PPP2R3B: variants seen among roughly 807,000 people sequenced by gnomAD.
PPP2R3B encodes the protein protein phosphatase 2 regulatory subunit B''beta.
Under a neutral mutation model 72.9 loss-of-function variants are expected in PPP2R3B, and 68 were observed. The observed-to-expected ratio is 0.93, with a 90% confidence interval of 0.77 to 1.14. PPP2R3B has a LOEUF of 1.14. Ranked by LOEUF, PPP2R3B falls within the 50% of genes most tolerant of loss-of-function variation. The probability of loss-of-function intolerance (pLI) is 0.00; values close to 1 mark genes in which losing one functional copy is unlikely to be tolerated. For missense variants in PPP2R3B, 1,018 were observed against 842.0 expected (o/e 1.21, Z -2.59); for synonymous variants, 466 against 375.8 (o/e 1.24, Z -2.78).
intron 1 of PPP2R3B, among the ~76,000 whole-genome samples, chrX:371,267 T>G (rs1248247604): frequency 6.6e-6 from 1 of 151,688 alleles, no homozygotes; most frequent in East Asian, 1.9e-4. Flanking sequence ...CACGGGAGCC[T>G]CCCCGGACCC....
intron 1 of PPP2R3B, among the ~76,000 whole-genome samples, chrX:364,525 A>AAC (rs1556212678): frequency 1.3e-5 from 2 of 150,914 alleles, no homozygotes; most frequent in African/African-American, 4.9e-5. Flanking sequence ...AAAAAACAAA[A>AAC]AAAAAAAAAC....
chrX:342,346 GGCGGGA>G (rs2071100940), intron 7 of PPP2R3B: 1 of 201,336 alleles, frequency 5.0e-6, no homozygotes, highest in Non-Finnish European at 1.0e-5. Flanking sequence ...AGCAACGGGA[GGCGGGA>G]GTGAGACCTC....
chrX:354,267 A>G (rs67221387), intron 2 of PPP2R3B, among the ~76,000 whole-genome samples: 97,130 of 148,102 alleles, frequency 0.66, 32,361 homozygotes, highest in African/African-American at 0.79. Context: ...CCCAAACACC[A>G]GGGGCTCACC....
chrX:363,671 A>G (rs868458211), intron 1 of PPP2R3B, among the ~76,000 whole-genome samples: 1,109 of 3,276 alleles, frequency 0.34, 70 homozygotes, highest in Admixed American at 0.38. Context: ...CCATCCCACA[A>G]TGCATCTCCC....
intron 2 of PPP2R3B, among the ~76,000 whole-genome samples, chrX:355,429 G>A (rs759266774): frequency 1.3e-5 from 2 of 152,338 alleles, no homozygotes; most frequent in East Asian, 3.9e-4. Flanking sequence ...TTCATCTGGA[G>A]TCAACAGGAT....
In PPP2R3B at chrX:370,036, C is replaced by T. The variant is rs189036415; in HGVS notation, c.325-8446G>A. Among the ~76,000 whole-genome samples the T allele has an allele frequency of 5.8e-4, 88 of 152,302 alleles. 1 individual carries two copies. In the East Asian group the frequency reaches 0.014, roughly 23 times the overall value. ...CAAGCTCTGAGCATTCTTCTCGGCC[C>T]AGCACTTGACTCCCAGGGACCCTCT... On this transcript the variant is annotated intron_variant, in intron 1 of 12. Coordinates refer to ENST00000390665, the MANE Select transcript of PPP2R3B (RefSeq NM_013239.5).
intron 1 of PPP2R3B, among the ~76,000 whole-genome samples, chrX:375,307 C>A (rs1302188477): frequency 1.3e-5 from 2 of 152,348 alleles, no homozygotes; most frequent in East Asian, 3.9e-4. Context: ...CCCAGTAACC[C>A]ACGATGCGGG....
intron 1 of PPP2R3B, among the ~76,000 whole-genome samples, chrX:379,002 G>C (rs1044099930): frequency 1.3e-5 from 2 of 152,196 alleles, no homozygotes; most frequent in African/African-American, 4.8e-5. Flanking sequence ...GAAACGTTAA[G>C]ATAACCACAC....
At chrX:344,898 G>A (rs1480175358) in intron 7 of PPP2R3B, 1 of 337,634 alleles carries the variant, frequency 3.0e-6, no homozygotes, top group Non-Finnish European at 5.9e-6. Context: ...CCGTAATTCG[G>A]AAACAGTCTT....
At chrX:344,946 G>A in intron 7 of PPP2R3B, 2 of 349,770 alleles carry the variant, frequency 5.7e-6, no homozygotes, top group Non-Finnish European at 1.1e-5. Context: ...CACACTTAAA[G>A]GAATCCTTTA....
chrX:357,941 C>T (rs998585726), intron 2 of PPP2R3B, among the ~76,000 whole-genome samples: 3 of 152,174 alleles, frequency 2.0e-5, no homozygotes, highest in African/African-American at 2.4e-5. Context: ...ACACGGACCT[C>T]GCTGCACGGC....
rs774030128 is a variant in PPP2R3B at position 347,604 on chromosome X, G to A, written c.600C>T (p.Val200=). Residue 200 remains valine (V), a synonymous_variant, in exon 3 of 13, where the codon GTC becomes GTT. Coordinates refer to ENST00000390665, the MANE Select transcript of PPP2R3B (RefSeq NM_013239.5). ...CCAGGACTCACTTTCTCCACATGGC[G>A]ACGAACTTGTGGACGGACACGGAGC... ...RTGSVSVHKF[V]AMWRKILQNC... The A allele has an allele frequency of 8.9e-6, 14 of 1,579,006 alleles. No homozygotes were observed. The highest frequency in any genetic ancestry group is 4.6e-5 in the South Asian group (4 of 87,352).
chrX:334,705 G>A (rs5989642), intron 12 of PPP2R3B, 188 bp from the exon 13 acceptor site: 43,311 of 667,450 alleles, frequency 0.065, 1,589 homozygotes, highest in African/African-American at 0.11. Context: ...GAATGCTCCC[G>A]GGGGAGGGGC....
intron 1 of PPP2R3B, among the ~76,000 whole-genome samples, chrX:363,335 C>G (rs1217547026): frequency 1.3e-5 from 1 of 74,150 alleles, no homozygotes; most frequent in East Asian, 4.0e-4. Flanking sequence ...TGCATCTCCC[C>G]GAGCCCACCA....
intron 1 of PPP2R3B, among the ~76,000 whole-genome samples, chrX:371,568 C>T (rs778761703): frequency 1.1e-3 from 171 of 152,204 alleles, no homozygotes; most frequent in Non-Finnish European, 1.9e-3. Context: ...GCCAGGGGCT[C>T]GTGGGTGCGG....
chrX:358,981 C>T (rs1423857708), intron 2 of PPP2R3B, among the ~76,000 whole-genome samples: 1 of 151,514 alleles, frequency 6.6e-6, no homozygotes, highest in Non-Finnish European at 1.5e-5. Flanking sequence ...CGGGGAAGCA[C>T]CGCGGCCGGG....
In PPP2R3B at chrX:338,439, G is replaced by A. The variant is rs753663934; in HGVS notation, c.1577+165C>T. Reference sequence around the variant, plus strand: ...TGTCATCGGCTGTCCTTACCTCACCGGCCCCGTGTCAGGTCTCACCCCGCC... The same window carrying A: ...TGTCATCGGCTGTCCTTACCTCACCAGCCCCGTGTCAGGTCTCACCCCGCC... On this transcript the variant is annotated intron_variant, in intron 12 of 12. Transcript: ENST00000390665. 7.6e-4 allele frequency: 525 copies of A among 692,490 alleles called. 8 individuals carry two copies. The East Asian group carries it at 0.013, about 16-fold the overall frequency. The allele number at this position is 692,490 out of a possible 1,614,324, so 42.9% of individuals were successfully genotyped here. A position where few individuals can be genotyped will look rare whatever the true frequency, so the allele number is the denominator to read the frequency against.
intron 1 of PPP2R3B, among the ~76,000 whole-genome samples, chrX:372,557 G>C (rs1316278202): frequency 1.3e-5 from 2 of 152,206 alleles, no homozygotes; most frequent in Non-Finnish European, 2.9e-5. Flanking sequence ...GTCACAGGAA[G>C]ACTCTTACAC....
chrX:386,665 C>G lies in PPP2R3B; in HGVS notation c.27G>C (p.Pro9=). 2 of 1,377,652 alleles carry G rather than the reference C, an allele frequency of 1.5e-6. No individual in the cohort carries two copies. The highest frequency in any genetic ancestry group is 1.9e-6 in the Non-Finnish European group (2 of 1,065,732). The allele number at this position is 1,377,652 out of a possible 1,614,324, so 85.3% of individuals were successfully genotyped here. A position where few individuals can be genotyped will look rare whatever the true frequency, so the allele number is the denominator to read the frequency against. ...GCTCGTCCACCTTCATCTTCAGGAC[C>G]GGCTGCAGCACTTTGCCGGGCGGCA... MPPGKVLQ[P]VLKMKVDELF... Residue 9 remains proline, a synonymous_variant, in exon 1 of 13, where the codon CCG becomes CCC. Transcript: ENST00000390665.
Sources: allele counts gnomAD v4.1 joint callset (sites outside exome capture counted in the v4.1 genomes callset), GRCh38; gene constraint gnomAD v4.1.1; transcripts MANE v1.5; gene names NCBI Gene and HGNC (gene_info 2026-07-23, HGNC 2026-07-21).